Variants in WSB1 observed in about 807,000 individuals in gnomAD.
The protein encoded by WSB1 is WD repeat and SOCS box-containing protein 1.
Under a neutral mutation model 50.2 loss-of-function variants are expected in WSB1, and 23 were observed. The observed-to-expected ratio is 0.46, with a 90% CI of 0.33 to 0.65. The LOEUF is 0.65. Ranked by LOEUF, WSB1 falls within the 30% of genes least tolerant of loss-of-function variation. WSB1 has a pLI of 0.02. For synonymous variants in WSB1, 179 were observed against 172.0 expected (o/e 1.04, Z -0.32); for missense variants, 492 against 522.3 (o/e 0.94, Z 0.56).
Position 27,312,395 on chromosome 17 carries a change from G to A in WSB1, c.*26G>A, listed in dbSNP as rs2017722146. The A allele has an allele frequency of 6.2e-7, 1 of 1,609,940 alleles. No individual in the cohort carries two copies. Among genetic ancestry groups the A allele is most frequent in the Non-Finnish European group, 8.5e-7 (1 of 1,179,164 alleles). On this transcript the variant is annotated 3_prime_UTR_variant, in exon 9 of 9. Coordinates refer to ENST00000262394, the MANE Select transcript of WSB1 (RefSeq NM_015626.10). ...AAGATTCTGCCTTCCCTAGTAGTAGGGACTGACAGAATACACTTAACACAA... is the reference window on the plus strand; with the variant it reads ...AAGATTCTGCCTTCCCTAGTAGTAGAGACTGACAGAATACACTTAACACAA...
chr17:27,295,723 C>A (rs11871012), intron 1 of WSB1, among the ~76,000 whole-genome samples: 159 of 152,128 alleles, frequency 1.0e-3, no homozygotes, highest in African/African-American at 3.8e-3. Flanking sequence ...GTGGGTTTTT[C>A]TTTTACTTTA....
chr17:27,306,294 C>T (rs2017455446), intron 4 of WSB1, among the ~76,000 whole-genome samples: 1 of 146,902 alleles, frequency 6.8e-6, no homozygotes, highest in African/African-American at 2.5e-5. Flanking sequence ...CTCACTGCAG[C>T]CTCTGCCTCC....
intron 1 of WSB1, among the ~76,000 whole-genome samples, chr17:27,297,604 A>G (rs778208957): frequency 4.0e-4 from 60 of 151,816 alleles, no homozygotes; most frequent in Non-Finnish European, 7.1e-4. Flanking sequence ...CTACAGGTGC[A>G]TGCCACCACA....
At chr17:27,301,624 G>A (rs752424789) in intron 1 of WSB1, 164 bp from the exon 2 acceptor site, 1 of 524,568 alleles carries the variant, frequency 1.9e-6, no homozygotes, top group South Asian at 3.3e-5. Context: ...TCGTTAAGGG[G>A]TCTTCATATA....
At chr17:27,303,335 A>G (rs2017311399) in intron 2 of WSB1, 32 bp from the exon 3 acceptor site, 1 of 1,607,486 alleles carries the variant, frequency 6.2e-7, no homozygotes, top group Non-Finnish European at 8.5e-7. Context: ...GTGAATAATA[A>G]TACAATTTCC....
Position 27,311,636 on chromosome 17 carries a change from T to A in WSB1, c.1106+20T>A. 3.8e-5 allele frequency: 36 copies of A among 943,354 alleles called. No homozygotes were observed. Among genetic ancestry groups the A allele is most frequent in the Non-Finnish European group, 4.7e-5 (33 of 700,830 alleles). 58.4% of individuals were successfully genotyped at this position (943,354 alleles called of 1,614,324 possible). On this transcript the variant is annotated intron_variant, in intron 8 of 8. Coordinates refer to ENST00000262394, the MANE Select transcript of WSB1 (RefSeq NM_015626.10). ...TGCTGGGTAAATATATTTTTCTCTT[T>A]TTTTTTTTTTTTTTTTTTTTTTTGA...
intron 6 of WSB1, among the ~76,000 whole-genome samples, chr17:27,309,589 AT>A (rs397857862): frequency 0.024 from 3,526 of 146,790 alleles, 77 homozygotes; most frequent in African/African-American, 0.058. Context: ...ATCATAAAAG[AT>A]TTTTTTTTTT....
intron 1 of WSB1, 35 bp from the exon 2 acceptor site, chr17:27,301,753 T>C: frequency 1.2e-6 from 2 of 1,604,252 alleles, no homozygotes. Flanking sequence ...TTGTTGGTTA[T>C]ATATGATATC....
At chr17:27,309,522 G>A (rs1018204662) in intron 6 of WSB1, among the ~76,000 whole-genome samples, 6 of 152,048 alleles carry the variant, frequency 3.9e-5, no homozygotes, top group Admixed American at 2.6e-4. Flanking sequence ...TATGTTTAGA[G>A]TTTTTGTTGG....
chr17:27,307,806 A>G (rs1050404060), intron 5 of WSB1: 9 of 1,529,932 alleles, frequency 5.9e-6, no homozygotes, highest in East Asian at 2.5e-5. Flanking sequence ...CAGGCGCACA[A>G]TGGTGTTAGC....
intron 1 of WSB1, among the ~76,000 whole-genome samples, chr17:27,300,298 T>TTA: frequency 6.6e-6 from 1 of 152,260 alleles, no homozygotes; most frequent in East Asian, 1.9e-4. Flanking sequence ...AAAAATATAT[T>TTA]ATTATACAGT....
At chr17:27,297,650 T>TC (rs2017035543) in intron 1 of WSB1, among the ~76,000 whole-genome samples, 1 of 151,974 alleles carries the variant, frequency 6.6e-6, no homozygotes, top group Non-Finnish European at 1.5e-5. Context: ...AGAGATGAGG[T>TC]CCCCTATCTA....
intron 2 of WSB1, chr17:27,303,024 T>G (rs1035308908): frequency 5.2e-6 from 1 of 192,834 alleles, no homozygotes; most frequent in Non-Finnish European, 1.1e-5. Context: ...TACTGGGTTT[T>G]TTTGTTTGTT....
chr17:27,294,778 T>A (rs2016882250), intron 1 of WSB1, among the ~76,000 whole-genome samples: 1 of 152,170 alleles, frequency 6.6e-6, no homozygotes, highest in Non-Finnish European at 1.5e-5. Flanking sequence ...ACTCAGGGAC[T>A]TTAGGTTTAC....
intron 1 of WSB1, among the ~76,000 whole-genome samples, chr17:27,296,800 T>A (rs778384948): frequency 6.6e-6 from 1 of 152,232 alleles, no homozygotes; most frequent in Non-Finnish European, 1.5e-5. Flanking sequence ...AATCATACAT[T>A]TCTGTTGCTA....
Position 27,313,032 on chromosome 17 carries a change from C to G in WSB1, c.*663C>G, listed in dbSNP as rs1156925544. 6.7e-6 allele frequency: 1 copy of G among 150,354 alleles called. No homozygotes were observed. Among genetic ancestry groups the G allele is most frequent in the East Asian group, 1.9e-4 (1 of 5,140 alleles). 9.3% of individuals were successfully genotyped at this position (150,354 alleles called of 1,614,324 possible). On this transcript the variant is annotated 3_prime_UTR_variant, in exon 9 of 9. Coordinates refer to ENST00000262394, the MANE Select transcript of WSB1 (RefSeq NM_015626.10). The stretch of plus-strand genomic sequence containing the variant: ...CTCCAACCTGGACAACAGAGCGAGA[C>G]TCCATCTCAAAAAAAAAAAAAAATT...
rs964552600 is a variant in WSB1, at chr17:27,294,493, G to A, written c.40+58G>A. Reference sequence around the variant, plus strand: ...GGCCGAGGAGAGGCAGGGACTCCCCGGAGGAGGTTTGGGAGGAAGCGACTC... The same window carrying A: ...GGCCGAGGAGAGGCAGGGACTCCCCAGAGGAGGTTTGGGAGGAAGCGACTC... On this transcript the variant is annotated intron_variant, in intron 1 of 8. Transcript: ENST00000262394. 5 of 1,603,764 alleles carry A rather than the reference G, an allele frequency of 3.1e-6. No homozygotes were observed. In the Admixed American group the frequency reaches 5.0e-5, roughly 16 times the overall value.
At position 27,294,357 on chromosome 17, in the gene WSB1, G is replaced by C; in HGVS notation, c.-39G>C. 6.2e-7 allele frequency: 1 copy of C among 1,612,012 alleles called. No individual in the cohort carries two copies. Among genetic ancestry groups the C allele is most frequent in the Non-Finnish European group, 8.5e-7 (1 of 1,178,716 alleles). The stretch of plus-strand genomic sequence containing the variant: ...TCGCCACTCTCTTCTCTGTTGTTGG[G>C]TCCGCATCGTATTCCCGGAATCAGA... On this transcript the variant is annotated 5_prime_UTR_variant, in exon 1 of 9. Transcript: ENST00000262394.
intron 8 of WSB1, 136 bp from the exon 9 acceptor site, chr17:27,312,070 GGTTA>G: frequency 2.0e-6 from 2 of 993,884 alleles, no homozygotes; most frequent in East Asian, 2.5e-5. Flanking sequence ...ATACATCATT[GGTTA>G]GTTCTTCCTG....
Sources: gnomAD v4.1 joint callset for allele counts (sites outside exome capture counted in the v4.1 genomes callset) on GRCh38, gnomAD v4.1.1 for gene constraint, MANE v1.5 for transcripts, NCBI Gene and HGNC (gene_info 2026-07-23, HGNC 2026-07-21) for gene names.